COL5A3: variants seen among roughly 807,000 people sequenced by gnomAD.
COL5A3 encodes collagen alpha-3(V) chain.
A neutral mutation model predicts 250.0 loss-of-function variants in COL5A3; 172 were observed. The ratio of observed to expected loss-of-function variants is 0.69; its 90% CI spans 0.61 to 0.78. The LOEUF (loss-of-function observed/expected upper bound fraction) is 0.78. Among genes scored for constraint, COL5A3 ranks in the 30% least tolerant of loss-of-function variants. The pLI, the probability that COL5A3 is intolerant of heterozygous loss-of-function variation, is 0.00. For missense variants in COL5A3, 2,340 were observed against 2,334.4 expected, an observed-to-expected ratio of 1.00 and a Z score of -0.05; for synonymous variants, 937 against 900.4, an observed-to-expected ratio of 1.04 and a Z score of -0.73.
chr19:9,981,712 C>T (rs755169862), intron 32 of COL5A3, among the ~76,000 whole-genome samples: 7 of 152,220 alleles, frequency 4.6e-5, no homozygotes, highest in East Asian at 1.9e-4. Flanking sequence ...TGTCCTTTCA[C>T]GCATATGTAC....
At position 9,979,862 on chromosome 19, in the gene COL5A3, G is replaced by T. The variant is rs770592650; in HGVS notation, c.2689C>A (p.His897Asn). 5.1e-6 allele frequency: 8 copies of T among 1,577,148 alleles called. No individual in the cohort carries two copies. The Admixed American group carries it at 1.0e-4, about 20-fold the overall frequency. Reference sequence around the variant, plus strand: ...ACCAGTTCTCCTCTCTGTCCAGGGTGCCCTGGTCGCCCATCTTTACCTTGG... The same window carrying T: ...ACCAGTTCTCCTCTCTGTCCAGGGTTCCCTGGTCGCCCATCTTTACCTTGG... ...GHQGKDGRPG[H>N]PGQRGELGFQ... Residue 897 changes from histidine to asparagine, a missense_variant, in exon 37 of 67, where the codon CAC becomes AAC. By Grantham distance (68) the His-to-Asn change is moderately conservative. Around this residue, in one of 3 missense-constraint regions of COL5A3, gnomAD observed 1,179 missense variants for 1,162.6 expected, o/e 1.01. Transcript: ENST00000264828.
intron 51 of COL5A3, among the ~76,000 whole-genome samples, chr19:9,971,701 G>T (rs2086850189): frequency 6.6e-6 from 1 of 152,088 alleles, no homozygotes; most frequent in South Asian, 2.1e-4. Flanking sequence ...CTCTACTGTG[G>T]TGACAGAAGG....
chr19:9,985,380 C>A (rs2087084815), intron 31 of COL5A3, among the ~76,000 whole-genome samples: 1 of 151,676 alleles, frequency 6.6e-6, no homozygotes, highest in South Asian at 2.1e-4. Context: ...CCTGCCTCAG[C>A]CTCCCGAGTG....
rs181662138 is a variant in COL5A3, at chr19:10,000,274, A to T, written c.1110+1250T>A. ...CAAGCCACCGAGCTTGGGTTCGGTT[A>T]CATCGAATGCGTATCCATCTTTCTC... On this transcript the variant is annotated intron_variant, in intron 8 of 66. Coordinates refer to ENST00000264828, the MANE Select transcript of COL5A3 (RefSeq NM_015719.4). Among the ~76,000 whole-genome samples, 564 of 151,942 alleles carry T rather than the reference A, an allele frequency of 3.7e-3. 4 individuals carry two copies. The highest frequency in any genetic ancestry group is 0.013 in the African/African-American group (544 of 41,436).
At chr19:9,977,825 G>T in intron 41 of COL5A3, 124 bp from the exon 42 acceptor site, 1 of 704,096 alleles carries the variant, frequency 1.4e-6, no homozygotes, top group Non-Finnish European at 2.1e-6. Flanking sequence ...TTCCCCTCCT[G>T]CAGCAGCCAG....
In COL5A3 at chr19:9,969,580, G is replaced by A. The variant is rs2145062363; in HGVS notation, c.4093C>T (p.Pro1365Ser). The A allele has an allele frequency of 1.9e-6, 3 of 1,610,988 alleles. No individual in the cohort carries two copies. Among genetic ancestry groups the A allele is most frequent in the East Asian group, 2.2e-5 (1 of 44,858 alleles). The change falls in exon 56 of 67, where the codon CCT becomes TCT. Residue 1365 changes from proline to serine, a missense_variant. Physicochemically the swap from Pro to Ser is moderately conservative, Grantham distance 74. Transcript: ENST00000264828. ...CCCTGCCCCGCTCCACTCACCACAG[G>A]GCCAGGGATCCCTCGAAGACCCTCA... ...GPEGLRGIPG[P>S]VGEPGLLGAP... is the part of the protein sequence containing the mutation.
chr19:10,001,032 C>T (rs1436692911), intron 8 of COL5A3, among the ~76,000 whole-genome samples: 1 of 152,054 alleles, frequency 6.6e-6, no homozygotes, highest in Non-Finnish European at 1.5e-5. Context: ...ATCTGTACAA[C>T]AAAACCCCAT....
At position 10,005,778 on chromosome 19, in the gene COL5A3, C is replaced by A; in HGVS notation, c.437+18G>T. On this transcript the variant is annotated intron_variant, in intron 3 of 66. Transcript: ENST00000264828. The stretch of plus-strand genomic sequence containing the variant: ...CACCCCTTATCCACGGACCCCCGCC[C>A]ACTCTCCCCATGCTCACCTGCCATC... The A allele has an allele frequency of 6.2e-7, 1 of 1,603,120 alleles. No individual in the cohort carries two copies. Among genetic ancestry groups the A allele is most frequent in the South Asian group, 1.1e-5 (1 of 90,132 alleles).
intron 54 of COL5A3, among the ~76,000 whole-genome samples, chr19:9,970,378 C>T (rs556257265): frequency 1.1e-3 from 16 of 14,640 alleles, no homozygotes; most frequent in East Asian, 5.8e-3. Flanking sequence ...GTGGGGTAAG[C>T]GGGGGCTGTG....
rs1170844570 is a variant in COL5A3, at chr19:10,006,000, G to A, written c.248-15C>T. ...AAAGTGGCCTTCTGGGTGGGCAGAGGGAACAAGGCAGCTCAGAGGGCCCAG... is the reference window on the plus strand; with the variant it reads ...AAAGTGGCCTTCTGGGTGGGCAGAGAGAACAAGGCAGCTCAGAGGGCCCAG... On this transcript the variant is annotated splice_polypyrimidine_tract_variant and intron_variant, in intron 2 of 66. Transcript: ENST00000264828. 2.5e-6 allele frequency: 4 copies of A among 1,611,264 alleles called. No individual in the cohort carries two copies. In the Admixed American group the frequency reaches 5.0e-5, roughly 20 times the overall value.
rs1353726055 is a variant in COL5A3, at chr19:9,996,484, G to A, written c.1371C>T (p.Pro457=). ...CCTGGGCCTGCTGGAATGAGACTGG[G>A]GGGCCTTTAAAGGAGCCGCCTGCAA... ...FQFAGGSFKG[P]PVSFQQAQAQ... Residue 457 remains proline, a synonymous_variant, in exon 13 of 67, where the codon CCC becomes CCT. Transcript: ENST00000264828. 1.9e-6 allele frequency: 3 copies of A among 1,614,128 alleles called. No homozygotes were observed. Among genetic ancestry groups the A allele is most frequent in the Non-Finnish European group, 2.5e-6 (3 of 1,180,014 alleles).
rs758304904 is a variant in COL5A3, at chr19:9,960,685, G to T, written c.5057C>A (p.Ala1686Glu). The T allele has an allele frequency of 9.9e-6, 16 of 1,613,860 alleles. No individual in the cohort carries two copies. The South Asian group carries it at 1.8e-4, about 18-fold the overall frequency. The change falls in exon 66 of 67, where the codon GCA becomes GAA. Residue 1686 changes from alanine to glutamate, a missense_variant. Coordinates refer to ENST00000264828, the MANE Select transcript of COL5A3 (RefSeq NM_015719.4). ...GEELSFNQTT[A>E]ATVSVPQDGC... ...ATCCTGGGGGACGCTGACAGTGGCTGCTGTCGTCTGGTTGAAAGACAGCTC... is the reference window on the plus strand; with the variant it reads ...ATCCTGGGGGACGCTGACAGTGGCTTCTGTCGTCTGGTTGAAAGACAGCTC...
chr19:9,981,196 C>G (rs991319976), intron 32 of COL5A3, 64 bp from the exon 33 acceptor site: 10 of 1,453,016 alleles, frequency 6.9e-6, no homozygotes, highest in East Asian at 6.8e-5. Flanking sequence ...GACGCAAACA[C>G]AAAAAGACAC....
Position 9,966,534 on chromosome 19 carries a change from A to C in COL5A3, c.4669+2T>G, listed in dbSNP as rs1281097966. Reference sequence around the variant, plus strand: ...CCAAGTGGCGGGGGGACCGGACCTCACCATCAGGCAGGTGCGGGTGGTTGC... The same window carrying C: ...CCAAGTGGCGGGGGGACCGGACCTCCCCATCAGGCAGGTGCGGGTGGTTGC... On this transcript the variant is annotated splice_donor_variant, in intron 63 of 66. Transcript: ENST00000264828. LOFTEE classifies it high-confidence loss of function. 1.9e-6 allele frequency: 3 copies of C among 1,542,042 alleles called. No individual in the cohort carries two copies. Among genetic ancestry groups the C allele is most frequent in the Non-Finnish European group, 8.7e-7 (1 of 1,144,478 alleles).
rs1319655176 is a variant in COL5A3, at chr19:10,000,392, T to A, written c.1110+1132A>T. On this transcript the variant is annotated intron_variant, in intron 8 of 66. Coordinates refer to ENST00000264828, the MANE Select transcript of COL5A3 (RefSeq NM_015719.4). Reference sequence around the variant, plus strand: ...CACGTCCCGACTGCAGATTGCGGGCTTCCCTGCTGCCCCTCTGGCTCCCCC... The same window carrying A: ...CACGTCCCGACTGCAGATTGCGGGCATCCCTGCTGCCCCTCTGGCTCCCCC... Among the ~76,000 whole-genome samples the A allele has an allele frequency of 3.3e-5, 5 of 149,614 alleles. 1 individual carries two copies. In the South Asian group the frequency reaches 1.1e-3, roughly 32 times the overall value.
chr19:9,998,101 C>T lies in COL5A3; in HGVS notation c.1158+1G>A. The T allele has an allele frequency of 6.2e-7, 1 of 1,614,040 alleles. No individual in the cohort carries two copies. Among genetic ancestry groups the T allele is most frequent in the Non-Finnish European group, 8.5e-7 (1 of 1,180,006 alleles). ...ACCCCCTCACAATCCAGACCCCTCA[C>T]CTTTTCAATCACTGCGGGCTCTCCT... On this transcript the variant is annotated splice_donor_variant, in intron 9 of 66. Transcript: ENST00000264828. LOFTEE classifies it high-confidence loss of function.
rs1266985021 is a variant in COL5A3 at position 10,006,219 on chromosome 19, A to G, written c.101T>C (p.Val34Ala). 3.8e-6 allele frequency: 6 copies of G among 1,599,642 alleles called. No individual in the cohort carries two copies. Among genetic ancestry groups the G allele is most frequent in the Non-Finnish European group, 4.3e-6 (5 of 1,173,878 alleles). The change falls in exon 2 of 67, where the codon GTC becomes GCC. Residue 34 changes from valine to alanine, a missense_variant. Val to Ala is a moderately conservative substitution (Grantham distance 64). Transcript: ENST00000264828. ...TCCCTGCACACCCAGGGCCTTCAGGACATCCACAGGATCTGCAGCAGAGAG... is the reference window on the plus strand; with the variant it reads ...TCCCTGCACACCCAGGGCCTTCAGGGCATCCACAGGATCTGCAGCAGAGAG... ...LPGTQADPVD[V>A]LKALGVQGGQ...
chr19:10,003,772 CA>C, intron 5 of COL5A3, 58 bp from the exon 6 acceptor site: 1 of 1,603,376 alleles, frequency 6.2e-7, no homozygotes, highest in Non-Finnish European at 8.5e-7. Flanking sequence ...CCCCATCATT[CA>C]GGTCACCTGG....
chr19:9,995,989 C>T (rs2087263778), intron 15 of COL5A3, 77 bp downstream of exon 15: 3 of 1,342,922 alleles, frequency 2.2e-6, no homozygotes, highest in Non-Finnish European at 3.0e-6. Context: ...TGGCACTTTC[C>T]CCATCCAGCA....
Sources: allele counts gnomAD v4.1 joint callset (sites outside exome capture counted in the v4.1 genomes callset), GRCh38; gene constraint gnomAD v4.1.1; regional missense constraint gnomAD v4.1.1; transcripts MANE v1.5; gene names NCBI Gene and HGNC (gene_info 2026-07-23, HGNC 2026-07-21).